The following FSHR variants were observed in gnomAD, a reference collection of about 807,000 sequenced individuals.
The protein encoded by FSHR is follicle stimulating hormone receptor.
Under a neutral mutation model 52.1 loss-of-function variants are expected in FSHR, and 46 were observed. The ratio of observed to expected loss-of-function variants is 0.88; its 90% CI spans 0.70 to 1.13. The LOEUF (loss-of-function observed/expected upper bound fraction) is 1.13, where lower values mean the gene tolerates loss of function less well. Ranked by LOEUF, FSHR falls within the 50% of genes most tolerant of loss-of-function variation. The pLI is 0.00. For missense variants in FSHR, 964 were observed against 834.6 expected (o/e 1.16, Z -1.91); for synonymous variants, 399 against 309.6 (o/e 1.29, Z -3.03).
At chr2:49,046,534 A>G (rs1668662679) in intron 2 of FSHR, among the ~76,000 whole-genome samples, 1 of 152,236 alleles carries the variant, frequency 6.6e-6, no homozygotes, top group Admixed American at 6.5e-5. Context: ...GACAATGCAT[A>G]TAAAGTGGCT....
At chr2:49,024,728 A>C (rs17038062) in intron 2 of FSHR, among the ~76,000 whole-genome samples, 1 of 151,998 alleles carries the variant, frequency 6.6e-6, no homozygotes, top group African/African-American at 2.4e-5. Context: ...TTTTTCTCCA[A>C]TATATCCAAA....
chr2:49,136,008 T>C (rs1451722706), intron 1 of FSHR, among the ~76,000 whole-genome samples: 1 of 151,792 alleles, frequency 6.6e-6, no homozygotes, highest in Admixed American at 6.6e-5. Context: ...CATAGTTTAA[T>C]CCATGTTGTT....
intron 2 of FSHR, among the ~76,000 whole-genome samples, chr2:49,041,835 C>T (rs1313218443): frequency 2.6e-5 from 4 of 152,020 alleles, no homozygotes; most frequent in African/African-American, 9.7e-5. Flanking sequence ...AGAAATGGTG[C>T]AATGATAGTA....
At chr2:48,998,719 T>G (rs554542868) in intron 4 of FSHR, among the ~76,000 whole-genome samples, 28 of 152,166 alleles carry the variant, frequency 1.8e-4, no homozygotes, top group South Asian at 1.0e-3. Context: ...GTTCTCAACT[T>G]TGACAGCCAT....
At chr2:48,979,731 T>A (rs988758109) in intron 8 of FSHR, among the ~76,000 whole-genome samples, 3 of 152,052 alleles carry the variant, frequency 2.0e-5, no homozygotes, top group Non-Finnish European at 4.4e-5. Flanking sequence ...CTGATTCTGC[T>A]TCCATCAAGG....
At chr2:48,989,087 C>A (rs777802995) in intron 5 of FSHR, 33 bp from the exon 6 acceptor site, 1 of 1,560,328 alleles carries the variant, frequency 6.4e-7, no homozygotes, top group African/African-American at 1.4e-5. Flanking sequence ...AAGATACTTA[C>A]ATCAGCTCTA....
At chr2:48,982,374 G>A (rs1232406597) in intron 8 of FSHR, among the ~76,000 whole-genome samples, 1 of 152,200 alleles carries the variant, frequency 6.6e-6, no homozygotes, top group Non-Finnish European at 1.5e-5. Flanking sequence ...GATTTGGAAA[G>A]AGGATCCAAA....
rs764638641 is a variant in FSHR, at chr2:48,963,215, C to A, written c.1606G>T (p.Val536Leu). 1.4e-5 allele frequency: 22 copies of A among 1,614,094 alleles called. 1 individual carries two copies. Among genetic ancestry groups the A allele is most frequent in the Non-Finnish European group, 1.9e-5 (22 of 1,180,026 alleles). ...LSQLYVMSLL[V>L]LNVLAFVVIC... is the part of the protein sequence containing the mutation. ...ACCACAAAGGCCAGGACATTGAGCA[C>A]AAGGAGGGACATGACATACAGCTGT... Residue 536 changes from valine (V) to leucine (L), a missense_variant, in exon 10 of 10, where the codon GTG (valine) becomes TTG (leucine). By Grantham distance (32) the Val-to-Leu change is conservative (BLOSUM62 1). Transcript: ENST00000406846.
intron 2 of FSHR, among the ~76,000 whole-genome samples, chr2:49,021,831 T>TTCTCTCTCTCTCTCTCTCTC (rs1553334822): frequency 6.4e-5 from 3 of 46,524 alleles, no homozygotes; most frequent in Non-Finnish European, 1.2e-4. Flanking sequence ...GGGTATGTGT[T>TTCTCTCTCTCTCTCTCTCTC]TCTCTCTCTC....
intron 1 of FSHR, 27 bp downstream of exon 1, chr2:49,154,239 G>A (rs1365258168): frequency 1.2e-6 from 2 of 1,608,610 alleles, no homozygotes; most frequent in African/African-American, 1.3e-5. Flanking sequence ...CAGCCATGCA[G>A]TTGTTCCCCC....
At chr2:49,081,913 A>G (rs985275084) in intron 1 of FSHR, among the ~76,000 whole-genome samples, 3 of 152,194 alleles carry the variant, frequency 2.0e-5, no homozygotes, top group African/African-American at 4.8e-5. Flanking sequence ...AAGACAGCCA[A>G]TATTCTTTTT....
chr2:49,045,497 G>C (rs927441365), intron 2 of FSHR, among the ~76,000 whole-genome samples: 2 of 152,236 alleles, frequency 1.3e-5, no homozygotes, highest in African/African-American at 4.8e-5. Flanking sequence ...TTGGCTAAGA[G>C]GTTCTGGTTG....
chr2:49,023,856 G>C (rs1434442789), intron 2 of FSHR, among the ~76,000 whole-genome samples: 2 of 152,146 alleles, frequency 1.3e-5, no homozygotes, highest in Non-Finnish European at 2.9e-5. Flanking sequence ...GGTACTGGGG[G>C]TTATCAAGGC....
chr2:49,078,754 A>C (rs563082224), intron 1 of FSHR, among the ~76,000 whole-genome samples: 26 of 152,292 alleles, frequency 1.7e-4, no homozygotes, highest in Middle Eastern at 3.4e-3. Flanking sequence ...ATTAAACACT[A>C]AAATAAATAT....
At chr2:48,972,839 T>C (rs976808393) in intron 8 of FSHR, among the ~76,000 whole-genome samples, 3 of 152,204 alleles carry the variant, frequency 2.0e-5, no homozygotes, top group African/African-American at 7.2e-5. Flanking sequence ...TTTTTCTTGA[T>C]TATGTCTCCC....
intron 6 of FSHR, among the ~76,000 whole-genome samples, chr2:48,983,451 C>T (rs1559097232): frequency 1.3e-5 from 2 of 152,174 alleles, no homozygotes; most frequent in Non-Finnish European, 2.9e-5. Flanking sequence ...GATTCTATAA[C>T]TGTAAGGTCT....
intron 2 of FSHR, among the ~76,000 whole-genome samples, chr2:49,045,668 T>G (rs955913854): frequency 1.3e-5 from 2 of 152,158 alleles, no homozygotes; most frequent in South Asian, 2.1e-4. Flanking sequence ...TGGATACACC[T>G]TATTTGAGCA....
intron 2 of FSHR, among the ~76,000 whole-genome samples, chr2:49,029,828 A>T (rs903221998): frequency 2.0e-5 from 3 of 152,232 alleles, no homozygotes; most frequent in Admixed American, 2.0e-4. Context: ...TCTATAAAAC[A>T]ACACTGTTGA....
intron 1 of FSHR, among the ~76,000 whole-genome samples, chr2:49,152,111 C>A (rs1673083706): frequency 6.6e-6 from 1 of 152,130 alleles, no homozygotes; most frequent in Non-Finnish European, 1.5e-5. Context: ...TTCTAAAGCT[C>A]TTAACTATAC....
Sources: gnomAD v4.1 joint callset for allele counts (sites outside exome capture counted in the v4.1 genomes callset) on GRCh38, gnomAD v4.1.1 for gene constraint, MANE v1.5 for transcripts, NCBI Gene and HGNC (gene_info 2026-07-23, HGNC 2026-07-21) for gene names.